Variants in GABRG3 observed in about 807,000 individuals in gnomAD.
GABRG3 encodes the protein gamma-aminobutyric acid type A receptor subunit gamma3, also known as gamma-aminobutyric acid receptor subunit gamma-3.
GABRG3 carries 25 observed loss-of-function variants against 48.8 expected under a neutral mutation model. The observed-to-expected ratio is 0.51, with a 90% CI of 0.37 to 0.72. The LOEUF is 0.72. Ranked by LOEUF, GABRG3 falls within the 30% of genes least tolerant of loss-of-function variation. GABRG3 has a pLI of 0.00. For synonymous variants in GABRG3, 227 were observed against 217.6 expected, an observed-to-expected ratio of 1.04 and a Z score of -0.38; for missense variants, 394 against 577.9, an observed-to-expected ratio of 0.68 and a Z score of 3.26.
intron 3 of GABRG3, among the ~76,000 whole-genome samples, chr15:27,076,508 T>C (rs1366073919): frequency 6.6e-6 from 1 of 151,936 alleles, no homozygotes; most frequent in Non-Finnish European, 1.5e-5. Flanking sequence ...GTATTTTTAG[T>C]AGAGATGGGG....
chr15:26,989,424 T>G (rs773528870), intron 2 of GABRG3, among the ~76,000 whole-genome samples: 19 of 152,200 alleles, frequency 1.2e-4, no homozygotes, highest in Non-Finnish European at 2.6e-4. Flanking sequence ...TTTTCTTAGA[T>G]ATACATGTAA....
chr15:26,975,875 C>T lies in GABRG3; in HGVS notation c.54-1127C>T, dbSNP rs1483776949. On this transcript the variant is annotated intron_variant, in intron 1 of 9. Transcript: ENST00000615808. The surrounding 1 kb of genome is among the most constrained non-coding windows in gnomAD (Gnocchi z 4.6). ...TTATTCTCTTCTGTGAAGAAAAAGT[C>T]ACTAAAGCATCCACACTGACAAACT... Among the ~76,000 whole-genome samples the T allele has an allele frequency of 1.3e-5, 2 of 152,138 alleles. No homozygotes were observed. The highest frequency in any genetic ancestry group is 4.8e-5 in the African/African-American group (2 of 41,434).
intron 5 of GABRG3, among the ~76,000 whole-genome samples, chr15:27,469,485 C>T (rs142699227): frequency 2.0e-5 from 3 of 151,844 alleles, no homozygotes; most frequent in Non-Finnish European, 4.4e-5. Context: ...GGATTATAGG[C>T]GCCCACCACC....
intron 3 of GABRG3, among the ~76,000 whole-genome samples, chr15:27,043,838 C>T (rs1896318935): frequency 6.6e-6 from 1 of 152,228 alleles, no homozygotes; most frequent in South Asian, 2.1e-4. Context: ...CAGGGTCCCT[C>T]CCAGTCTGCA....
intron 3 of GABRG3, among the ~76,000 whole-genome samples, chr15:27,304,008 A>G (rs1448067692): frequency 6.6e-6 from 1 of 151,914 alleles, no homozygotes; most frequent in Non-Finnish European, 1.5e-5. Flanking sequence ...TAGAAATTTA[A>G]ACAGAAAAAA....
chr15:27,014,408 T>C (rs535733327), intron 2 of GABRG3, among the ~76,000 whole-genome samples: 107 of 152,122 alleles, frequency 7.0e-4, no homozygotes, highest in African/African-American at 2.4e-3. Context: ...GTTTTCCTCC[T>C]TTTTTAATGT....
intron 3 of GABRG3, among the ~76,000 whole-genome samples, chr15:27,038,998 T>G (rs1193717803): frequency 6.6e-6 from 1 of 152,128 alleles, no homozygotes; most frequent in Non-Finnish European, 1.5e-5. Context: ...CACATTTTAT[T>G]CAGGACTATT....
chr15:26,975,942 G>C lies in GABRG3; in HGVS notation c.54-1060G>C, dbSNP rs998230642. On this transcript the variant is annotated intron_variant, in intron 1 of 9. Coordinates refer to ENST00000615808, the MANE Select transcript of GABRG3 (RefSeq NM_033223.5). This position sits in a 1 kb window ranked among gnomAD's most constrained non-coding sequence, Gnocchi z 4.6. ...GTTTGTTTCACATGCTTTCTTGCTG[G>C]GGTCAATGGTAGTCTGCCTGGAAAT... Among the ~76,000 whole-genome samples, 1 of 152,124 alleles carries C rather than the reference G, an allele frequency of 6.6e-6. No homozygotes were observed. Among genetic ancestry groups the C allele is most frequent in the South Asian group, 2.1e-4 (1 of 4,820 alleles).
chr15:27,120,569 T>C (rs947802995), intron 3 of GABRG3, among the ~76,000 whole-genome samples: 2 of 151,040 alleles, frequency 1.3e-5, no homozygotes, highest in African/African-American at 4.8e-5. Flanking sequence ...TTAGTAATTA[T>C]GGAGTGATAA....
At chr15:27,404,321 C>T (rs1887569589) in intron 5 of GABRG3, among the ~76,000 whole-genome samples, 1 of 152,168 alleles carries the variant, frequency 6.6e-6, no homozygotes, top group African/African-American at 2.4e-5. Flanking sequence ...GCTGGCTGGG[C>T]TGGCAATGCC....
At chr15:27,173,594 G>C (rs534760223) in intron 3 of GABRG3, among the ~76,000 whole-genome samples, 12 of 151,986 alleles carry the variant, frequency 7.9e-5, no homozygotes, top group Admixed American at 5.9e-4. Flanking sequence ...ATTTAGACCA[G>C]GCATGGTGCC....
intron 3 of GABRG3, among the ~76,000 whole-genome samples, chr15:27,189,209 G>A (rs1235433377): frequency 1.3e-4 from 19 of 151,346 alleles, no homozygotes; most frequent in South Asian, 2.1e-4. Context: ...TTGGCGATGC[G>A]GGCTCTTTTT....
chr15:27,002,266 C>T (rs755310374), intron 2 of GABRG3, among the ~76,000 whole-genome samples: 13 of 152,302 alleles, frequency 8.5e-5, no homozygotes, highest in Admixed American at 7.2e-4. Context: ...TGTCAGGGCT[C>T]ACTGGCCCAC....
intron 3 of GABRG3, among the ~76,000 whole-genome samples, chr15:27,153,149 C>T (rs1322456253): frequency 3.3e-5 from 5 of 152,226 alleles, no homozygotes; most frequent in East Asian, 1.9e-4. Flanking sequence ...GCGTGAGCCA[C>T]GGCGCCTGGC....
chr15:27,103,286 T>G (rs1258535624), intron 3 of GABRG3, among the ~76,000 whole-genome samples: 1 of 152,226 alleles, frequency 6.6e-6, no homozygotes, highest in African/African-American at 2.4e-5. Flanking sequence ...GTTCAGGTGT[T>G]AGTAATGTTT....
At chr15:27,196,893 T>C (rs929030989) in intron 3 of GABRG3, among the ~76,000 whole-genome samples, 4 of 152,182 alleles carry the variant, frequency 2.6e-5, no homozygotes, top group East Asian at 1.9e-4. Context: ...GAGCATTCAG[T>C]AGGTGATGTA....
At chr15:27,199,661 C>T (rs1888617739) in intron 3 of GABRG3, among the ~76,000 whole-genome samples, 1 of 152,068 alleles carries the variant, frequency 6.6e-6, no homozygotes, top group African/African-American at 2.4e-5. Context: ...GTGCCTGCTC[C>T]CCCTTCCTTT....
rs1379328661 is a variant in GABRG3, at chr15:27,009,184, T to A, written c.203-17570T>A. Among the ~76,000 whole-genome samples the A allele has an allele frequency of 3.3e-5, 5 of 152,140 alleles. No individual in the cohort carries two copies. In the East Asian group the frequency reaches 7.7e-4, roughly 24 times the overall value. On this transcript the variant is annotated intron_variant, in intron 2 of 9. Coordinates refer to ENST00000615808, the MANE Select transcript of GABRG3 (RefSeq NM_033223.5). ...CTGGACTGCTGCGGGCTCCTCTAGG[T>A]TGACATAAAGAATTCCAAGTTGAGA...
At chr15:27,164,430 G>A (rs117408072) in intron 3 of GABRG3, among the ~76,000 whole-genome samples, 1 of 152,056 alleles carries the variant, frequency 6.6e-6, no homozygotes, top group Non-Finnish European at 1.5e-5. Flanking sequence ...ATTGGTATTA[G>A]CACATTAGTG....
Sources: allele counts gnomAD v4.1 joint callset (sites outside exome capture counted in the v4.1 genomes callset), GRCh38; gene constraint gnomAD v4.1.1; non-coding constraint Gnocchi (gnomAD v3.1); transcripts MANE v1.5; gene names NCBI Gene and HGNC (gene_info 2026-07-23, HGNC 2026-07-21).